MSN: variants seen among roughly 807,000 people sequenced by gnomAD.
MSN encodes the protein moesin, also known as epididymis luminal protein 70.
MSN carries 2 observed loss-of-function variants against 48.0 expected under a neutral mutation model. That is an observed-to-expected ratio of 0.04 (90% CI 0.02 to 0.13). MSN has a LOEUF of 0.13. Ranked by LOEUF, MSN falls within the 10% of genes least tolerant of loss-of-function variation. The pLI, the probability that MSN is intolerant of heterozygous loss-of-function variation, is 1.00. For missense variants in MSN, 267 were observed against 470.1 expected (o/e 0.57, Z 3.99); for synonymous variants, 146 against 166.9 (o/e 0.87, Z 0.97).
At chrX:65,651,518 A>G (rs2070741713) in intron 1 of MSN, among the ~76,000 whole-genome samples, 1 of 106,464 alleles carries the variant, frequency 9.4e-6, no homozygotes, top group Admixed American at 1.0e-4. Flanking sequence ...TTTGTGGGGG[A>G]TGTATTCTAT....
rs1331452601 is a variant in MSN at position 65,723,852 on chromosome X, C to T, written c.97-3962C>T. Among the ~76,000 whole-genome samples the T allele has an allele frequency of 2.7e-5, 3 of 110,873 alleles. No homozygotes were observed. In the Admixed American group the frequency reaches 2.9e-4, roughly 11 times the overall value. ...TCTGATTTCAGACCATATTTCCTTC[C>T]CGCCACGTCCTCAATTTCTCACTTT... On this transcript the variant is annotated intron_variant, in intron 2 of 12. Coordinates refer to ENST00000360270, the MANE Select transcript of MSN (RefSeq NM_002444.3).
chrX:65,643,169 C>T (rs1025306974), intron 1 of MSN, among the ~76,000 whole-genome samples: 5 of 111,546 alleles, frequency 4.5e-5, no homozygotes, highest in Middle Eastern at 4.2e-3. Flanking sequence ...TAGACCTATT[C>T]CCTTGTTTCA....
At chrX:65,697,941 GTAGAT>G (rs2071261449) in intron 1 of MSN, among the ~76,000 whole-genome samples, 1 of 112,007 alleles carries the variant, frequency 8.9e-6, no homozygotes, top group Admixed American at 9.4e-5. Context: ...GAGATTTACT[GTAGAT>G]TATTCAGTCT....
At chrX:65,617,608 T>G (rs1602722510) in intron 1 of MSN, among the ~76,000 whole-genome samples, 1 of 103,771 alleles carries the variant, frequency 9.6e-6, no homozygotes, top group African/African-American at 3.8e-5. Flanking sequence ...TTTTTCTTTA[T>G]TAGTCTTGCT....
chrX:65,659,245 C>T (rs1051088377), intron 1 of MSN, among the ~76,000 whole-genome samples: 1 of 110,470 alleles, frequency 9.1e-6, no homozygotes, highest in African/African-American at 3.3e-5. Context: ...TCTTTGCCTC[C>T]CAGGTTCAAG....
intron 1 of MSN, among the ~76,000 whole-genome samples, chrX:65,615,232 G>T (rs2070358657): frequency 9.2e-6 from 1 of 109,058 alleles, no homozygotes; most frequent in Non-Finnish European, 1.9e-5. Context: ...TAATGGGATG[G>T]CTGGGTCAAA....
At chrX:65,620,597 C>T (rs943145953) in intron 1 of MSN, among the ~76,000 whole-genome samples, 3 of 112,831 alleles carry the variant, frequency 2.7e-5, no homozygotes, top group Non-Finnish European at 5.6e-5. Flanking sequence ...CACTGACCTG[C>T]GCCCACTGTC....
At chrX:65,638,495 A>G (rs1459155806) in intron 1 of MSN, among the ~76,000 whole-genome samples, 2 of 112,814 alleles carry the variant, frequency 1.8e-5, no homozygotes, top group Admixed American at 9.4e-5. Flanking sequence ...GGTTCCTAGC[A>G]TAGTACCTGG....
intron 1 of MSN, among the ~76,000 whole-genome samples, chrX:65,607,708 C>T (rs994259048): frequency 3.6e-5 from 4 of 111,334 alleles, no homozygotes; most frequent in Admixed American, 1.9e-4. Context: ...GAGGTCTTTG[C>T]TATTCCAGAC....
chrX:65,649,279 C>A (rs767433535), intron 1 of MSN, among the ~76,000 whole-genome samples: 6 of 98,245 alleles, frequency 6.1e-5, no homozygotes, highest in South Asian at 9.1e-4. Flanking sequence ...ATATATATAT[C>A]TATGGCCAGG....
At chrX:65,695,100 GTGTGTGT>G (rs998106070) in intron 1 of MSN, among the ~76,000 whole-genome samples, 11 of 93,246 alleles carry the variant, frequency 1.2e-4, no homozygotes, top group African/African-American at 5.2e-4. Flanking sequence ...GTGTGTGTGT[GTGTGTGT>G]GTGGTGGTGG....
intron 1 of MSN, among the ~76,000 whole-genome samples, chrX:65,670,243 A>T (rs2070917680): frequency 8.9e-6 from 1 of 111,733 alleles, no homozygotes; most frequent in Non-Finnish European, 1.9e-5. Flanking sequence ...AGGGGAAAAA[A>T]TTTCCCTTTC....
At chrX:65,590,942 G>A (rs1310451426) in intron 1 of MSN, among the ~76,000 whole-genome samples, 3 of 111,331 alleles carry the variant, frequency 2.7e-5, no homozygotes, top group Admixed American at 9.6e-5. Flanking sequence ...TTTCCTGCCC[G>A]AATAAGGTGT....
At chrX:65,680,431 A>C (rs1396827950) in intron 1 of MSN, among the ~76,000 whole-genome samples, 2 of 112,455 alleles carry the variant, frequency 1.8e-5, no homozygotes, top group Admixed American at 9.4e-5. Context: ...ATGGCCATGT[A>C]AAATTCTATT....
chrX:65,736,310 T>G (rs1447380072), intron 8 of MSN, among the ~76,000 whole-genome samples: 1 of 110,715 alleles, frequency 9.0e-6, no homozygotes, highest in Non-Finnish European at 1.9e-5. Flanking sequence ...CACTGGCCTA[T>G]GTGGGGCTAT....
intron 1 of MSN, among the ~76,000 whole-genome samples, chrX:65,641,709 CTG>C (rs1195057320): frequency 4.9e-5 from 5 of 102,581 alleles, no homozygotes; most frequent in Non-Finnish European, 9.9e-5. Context: ...AGCTAGAAAA[CTG>C]TCTCTGGAGA....
intron 1 of MSN, among the ~76,000 whole-genome samples, chrX:65,670,898 AT>A (rs1468750316): frequency 1.7e-3 from 1 of 594 alleles, no homozygotes; most frequent in Non-Finnish European, 6.0e-3. Context: ...GATGACAGTT[AT>A]ATATATATAT....
rs772587082 is a variant in MSN, at chrX:65,737,095, G to A, written c.1091-83G>A. 1,258 of 1,140,302 alleles carry A rather than the reference G, an allele frequency of 1.1e-3. 1 individual carries two copies. The highest frequency in any genetic ancestry group is 1.4e-3 in the Non-Finnish European group (1,195 of 850,643). The allele number at this position is 1,140,302 out of a possible 1,213,427, so 94.0% of individuals were successfully genotyped here. A position where few individuals can be genotyped will look rare whatever the true frequency, so the allele number is the denominator to read the frequency against. On this transcript the variant is annotated intron_variant, in intron 9 of 12. Coordinates refer to ENST00000360270, the MANE Select transcript of MSN (RefSeq NM_002444.3). ...AACTTTCTGCCAGCTTTGTCTTGGG[G>A]TGGATCATTTCCAGGAACGAAGCTA...
At chrX:65,728,696 T>C (rs2071592972) in intron 3 of MSN, among the ~76,000 whole-genome samples, 1 of 111,819 alleles carries the variant, frequency 8.9e-6, no homozygotes, top group African/African-American at 3.2e-5. Flanking sequence ...AACTAATGTC[T>C]GAACCCCATA....
Sources: gnomAD v4.1 joint callset for allele counts (sites outside exome capture counted in the v4.1 genomes callset) on GRCh38, gnomAD v4.1.1 for gene constraint, MANE v1.5 for transcripts, NCBI Gene and HGNC (gene_info 2026-07-23, HGNC 2026-07-21) for gene names.